The following MMP26 variants were observed in gnomAD, a reference collection of about 807,000 sequenced individuals.
MMP26 encodes the protein matrix metallopeptidase 26.
Under a neutral mutation model 31.0 loss-of-function variants are expected in MMP26, and 33 were observed. That is an observed-to-expected ratio of 1.06 (90% CI 0.81 to 1.42). MMP26 has a LOEUF of 1.42. Ranked by LOEUF, MMP26 falls within the 40% of genes most tolerant of loss-of-function variation. MMP26 has a pLI of 0.00. For missense variants in MMP26, 347 were observed against 316.1 expected (o/e 1.10, Z -0.74); for synonymous variants, 122 against 114.9 (o/e 1.06, Z -0.40).
chr11:4,868,017 A>C (rs1367466658), intron 2 of MMP26, among the ~76,000 whole-genome samples: 1 of 152,200 alleles, frequency 6.6e-6, no homozygotes, highest in African/African-American at 2.4e-5. Flanking sequence ...GATAGACTGG[A>C]TAAAGAAAAT....
At chr11:4,848,056 T>G in intron 2 of MMP26, 1 of 623,608 alleles carries the variant, frequency 1.6e-6, no homozygotes, top group Non-Finnish European at 2.7e-6. Context: ...ATCATGTTCA[T>G]TCTTTGGGGC....
chr11:4,882,217 G>C, intron 2 of MMP26: 1 of 1,613,924 alleles, frequency 6.2e-7, no homozygotes. Context: ...TGTTCTTTGT[G>C]CATGCTTTCT....
At chr11:4,848,662 T>C (rs760213449) in intron 2 of MMP26, 1 of 1,613,674 alleles carries the variant, frequency 6.2e-7, no homozygotes, top group South Asian at 1.1e-5. Context: ...TAAGAATGGG[T>C]TAGGACCTGT....
chr11:4,740,948 T>A (rs1179187899), intron 1 of MMP26, among the ~76,000 whole-genome samples: 1 of 152,222 alleles, frequency 6.6e-6, no homozygotes, highest in Non-Finnish European at 1.5e-5. Context: ...ATATTAGCTT[T>A]TGTTGCAATT....
In MMP26 at chr11:4,988,320, C is replaced by T. The variant is rs192954381; in HGVS notation, c.99+10C>T. On this transcript the variant is annotated intron_variant, in intron 3 of 7. Transcript: ENST00000380390. ...ATGGGACTTTGTTGAGGTAGGTGAA[C>T]GACTCAGGACCACATTATTACATGG... 2.4e-5 allele frequency: 39 copies of T among 1,606,334 alleles called. No individual in the cohort carries two copies. Among genetic ancestry groups the T allele is most frequent in the South Asian group, 1.9e-4 (17 of 90,944 alleles).
rs147866320 is a variant in MMP26 at position 4,908,573 on chromosome 11, C to T, written c.-144-79495C>T. 7.9e-5 allele frequency: 39 copies of T among 490,794 alleles called. 1 individual carries two copies. The highest frequency in any genetic ancestry group is 7.6e-4 in the African/African-American group (39 of 51,632). 30.4% of individuals were successfully genotyped at this position (490,794 alleles called of 1,614,324 possible). ...TGTGATGGAGCAGCTGGATTTGAGT[C>T]AACCCATAAAGAATGAATACAATTT... On this transcript the variant is annotated intron_variant, in intron 2 of 7. Transcript: ENST00000380390.
chr11:4,730,402 GAA>G (rs57733628), intron 1 of MMP26, among the ~76,000 whole-genome samples: 1 of 131,906 alleles, frequency 7.6e-6, no homozygotes, highest in Admixed American at 7.9e-5. Context: ...AGGTTTCTGG[GAA>G]AGAGAGAGAG....
Sources: allele counts gnomAD v4.1 joint callset (sites outside exome capture counted in the v4.1 genomes callset), GRCh38; gene constraint gnomAD v4.1.1; transcripts MANE v1.5; gene names NCBI Gene and HGNC (gene_info 2026-07-23, HGNC 2026-07-21).